Variants in MAF observed in about 807,000 individuals in gnomAD.
MAF encodes the protein MAF bZIP transcription factor.
Under a neutral mutation model 22.0 loss-of-function variants are expected in MAF, and 10 were observed. The observed-to-expected ratio is 0.45, with a 90% confidence interval of 0.28 to 0.77. The LOEUF (loss-of-function observed/expected upper bound fraction) is 0.77, where lower values mean the gene tolerates loss of function less well. Ranked by LOEUF, MAF falls within the 30% of genes least tolerant of loss-of-function variation. The pLI is 0.12. For synonymous variants in MAF, 337 were observed against 255.8 expected (o/e 1.32, Z -3.03); for missense variants, 544 against 548.4 (o/e 0.99, Z 0.08).
chr16:79,218,891 C>G, the MAF span, among the ~76,000 whole-genome samples: 1 of 152,154 alleles, frequency 6.6e-6, no homozygotes, highest in African/African-American at 2.4e-5. Flanking sequence ...CAGATTCCAT[C>G]TGAATGCAGT....
the MAF span, among the ~76,000 whole-genome samples, chr16:79,383,409 T>TA: frequency 2.0e-4 from 30 of 151,330 alleles, no homozygotes; most frequent in African/African-American, 6.8e-4. Context: ...TGTCTTGGTT[T>TA]AAAAAAAAAT....
chr16:79,538,856 A>T, the MAF span, among the ~76,000 whole-genome samples: 2 of 34,852 alleles, frequency 5.7e-5, no homozygotes, highest in African/African-American at 1.9e-4. Flanking sequence ...GAAAGAAAAG[A>T]AAAGAAAAGA....
At chr16:79,258,902 A>AGG in the MAF span, among the ~76,000 whole-genome samples, 3 of 151,992 alleles carry the variant, frequency 2.0e-5, no homozygotes, top group Non-Finnish European at 4.4e-5. Context: ...TAGGGGAGGG[A>AGG]GGGTAGAGAG....
At chr16:79,410,899 C>T in the MAF span, among the ~76,000 whole-genome samples, 1 of 152,274 alleles carries the variant, frequency 6.6e-6, no homozygotes, top group South Asian at 2.1e-4. Context: ...GAGGTGGATA[C>T]CTGACAATGA....
chr16:79,539,982 TATAA>T, the MAF span, among the ~76,000 whole-genome samples: 1 of 152,052 alleles, frequency 6.6e-6, no homozygotes, highest in Non-Finnish European at 1.5e-5. Flanking sequence ...AAAATATATA[TATAA>T]ATTTTAAGCA....
At chr16:79,280,184 A>C in the MAF span, among the ~76,000 whole-genome samples, 3 of 152,242 alleles carry the variant, frequency 2.0e-5, no homozygotes, top group African/African-American at 7.2e-5. Context: ...AGGTTAAGCC[A>C]GTTGCACGTG....
chr16:79,278,502 C>T, the MAF span, among the ~76,000 whole-genome samples: 1 of 152,192 alleles, frequency 6.6e-6, no homozygotes, highest in East Asian at 1.9e-4. Flanking sequence ...TGTTCTCTCA[C>T]CTAAGAACCA....
chr16:79,426,354 C>A, the MAF span, among the ~76,000 whole-genome samples: 3 of 152,006 alleles, frequency 2.0e-5, no homozygotes, highest in East Asian at 5.8e-4. Context: ...TATATTGGGT[C>A]AAATATAATC....
At chr16:79,409,641 C>G in the MAF span, among the ~76,000 whole-genome samples, 3 of 152,218 alleles carry the variant, frequency 2.0e-5, no homozygotes, top group African/African-American at 7.2e-5. Flanking sequence ...CTGAATCCCT[C>G]TGTAGCTCCT....
chr16:79,413,512 C>A, the MAF span, among the ~76,000 whole-genome samples: 2 of 151,444 alleles, frequency 1.3e-5, no homozygotes, highest in Admixed American at 6.6e-5. Flanking sequence ...GGATTACAAG[C>A]GTGAGCCACC....
the MAF span, among the ~76,000 whole-genome samples, chr16:79,251,752 G>A: frequency 6.6e-6 from 1 of 152,210 alleles, no homozygotes; most frequent in African/African-American, 2.4e-5. Flanking sequence ...AGCCAACGCT[G>A]GGGGCCTGGG....
the MAF span, among the ~76,000 whole-genome samples, chr16:79,514,346 G>A: frequency 6.6e-6 from 1 of 152,162 alleles, no homozygotes; most frequent in African/African-American, 2.4e-5. Flanking sequence ...TTTTGGTGGG[G>A]GAGTGGTTTA....
the MAF span, among the ~76,000 whole-genome samples, chr16:79,506,412 A>G: frequency 6.6e-6 from 1 of 152,116 alleles, no homozygotes; most frequent in Non-Finnish European, 1.5e-5. Flanking sequence ...TGTGCCCATG[A>G]CCAATATCTC....
chr16:79,212,038 C>G, the MAF span: 1 of 1,536,244 alleles, frequency 6.5e-7, no homozygotes, highest in Non-Finnish European at 8.7e-7. Context: ...TGGTGGTGGC[C>G]TGTTTGAAAG....
chr16:79,269,421 C>T, the MAF span, among the ~76,000 whole-genome samples: 8 of 152,254 alleles, frequency 5.3e-5, no homozygotes, highest in African/African-American at 9.6e-5. Flanking sequence ...CAAGATTTTA[C>T]ACCTCTTTCT....
chr16:79,255,720 G>A, the MAF span, among the ~76,000 whole-genome samples: 1 of 152,164 alleles, frequency 6.6e-6, no homozygotes, highest in Non-Finnish European at 1.5e-5. Context: ...TTGGCCATCA[G>A]AGGTGGACGC....
chr16:79,383,921 A>T, the MAF span, among the ~76,000 whole-genome samples: 3 of 152,226 alleles, frequency 2.0e-5, no homozygotes, highest in African/African-American at 4.8e-5. Context: ...TTTCCCCCCA[A>T]AAGTACAAGA....
At chr16:79,398,584 T>C in the MAF span, among the ~76,000 whole-genome samples, 1 of 152,090 alleles carries the variant, frequency 6.6e-6, no homozygotes, top group Non-Finnish European at 1.5e-5. Flanking sequence ...AGTCTGATGG[T>C]ATCAACATCA....
At chr16:79,236,502 G>C in the MAF span, among the ~76,000 whole-genome samples, 1 of 152,086 alleles carries the variant, frequency 6.6e-6, no homozygotes. Context: ...GTTTGGCTTT[G>C]TGTGTTTAGT....
Sources: allele counts gnomAD v4.1 joint callset (sites outside exome capture counted in the v4.1 genomes callset), GRCh38; gene constraint gnomAD v4.1.1; transcripts MANE v1.5; gene names NCBI Gene and HGNC (gene_info 2026-07-23, HGNC 2026-07-21).